The following AS3MT variants were observed in gnomAD, a reference collection of about 807,000 sequenced individuals.
AS3MT encodes S-adenosyl-L-methionine:arsenic(III) methyltransferase.
AS3MT carries 47 observed loss-of-function variants against 45.3 expected under a neutral mutation model. The ratio of observed to expected loss-of-function variants is 1.04; its 90% CI spans 0.82 to 1.32. The LOEUF (loss-of-function observed/expected upper bound fraction) is 1.32. Among genes scored for constraint, AS3MT ranks in the 40% most tolerant of loss-of-function variants. AS3MT has a pLI of 0.00. For synonymous variants in AS3MT, 141 were observed against 152.8 expected (o/e 0.92, Z 0.57); for missense variants, 396 against 451.1 (o/e 0.88, Z 1.11).
chr10:102,870,036 G>GATC, intron 2 of AS3MT, 48 bp from the exon 3 acceptor site: 1 of 1,602,726 alleles, frequency 6.2e-7, no homozygotes, highest in Non-Finnish European at 8.5e-7. Context: ...TGCAGTCACA[G>GATC]CTCTTCTCCC....
chr10:102,890,868 C>T (rs774814589), intron 10 of AS3MT, among the ~76,000 whole-genome samples, 190 bp downstream of exon 10: 2 of 152,206 alleles, frequency 1.3e-5, no homozygotes, highest in African/African-American at 2.4e-5. Context: ...CCCACCACCA[C>T]GCCCGGCTAA....
chr10:102,900,076 G>C (rs562632537), intron 10 of AS3MT, among the ~76,000 whole-genome samples: 2 of 152,280 alleles, frequency 1.3e-5, no homozygotes, highest in African/African-American at 4.8e-5. Context: ...AAATACAGCA[G>C]TCTTGTCTTT....
chr10:102,900,784 A>G lies in AS3MT; in HGVS notation c.*84A>G. 1 of 1,098,584 alleles carries G rather than the reference A, an allele frequency of 9.1e-7. No individual in the cohort carries two copies. Among genetic ancestry groups the G allele is most frequent in the Non-Finnish European group, 1.4e-6 (1 of 728,916 alleles). 68.1% of individuals were successfully genotyped at this position (1,098,584 alleles called of 1,614,324 possible). A position where few individuals can be genotyped will look rare whatever the true frequency, so the allele number is the denominator to read the frequency against. ...CCTGCTTTTCCCCATAGCACAGACC[A>G]TAAGAAACAACAAATGGGGCCGGGC... is the stretch of plus-strand genomic sequence containing the variant. On this transcript the variant is annotated 3_prime_UTR_variant, in exon 11 of 11. Transcript: ENST00000369880.
chr10:102,893,796 G>A (rs925648448), intron 10 of AS3MT, among the ~76,000 whole-genome samples: 5 of 152,046 alleles, frequency 3.3e-5, no homozygotes, highest in Non-Finnish European at 7.4e-5. Flanking sequence ...ACTGTGCCCA[G>A]CCCTAATTCG....
chr10:102,884,838 C>T (rs983442403), intron 9 of AS3MT, among the ~76,000 whole-genome samples: 4 of 152,114 alleles, frequency 2.6e-5, no homozygotes, highest in Non-Finnish European at 4.4e-5. Flanking sequence ...TGAGACACTG[C>T]GACCGGCCAA....
chr10:102,899,159 T>G (rs1023329602), intron 10 of AS3MT, among the ~76,000 whole-genome samples: 1 of 152,148 alleles, frequency 6.6e-6, no homozygotes, highest in Non-Finnish European at 1.5e-5. Context: ...GCCCAACTAA[T>G]TTTTATATTT....
intron 9 of AS3MT, among the ~76,000 whole-genome samples, chr10:102,885,211 A>G (rs904767515): frequency 6.6e-6 from 1 of 152,130 alleles, no homozygotes; most frequent in Non-Finnish European, 1.5e-5. Flanking sequence ...TTTAGCTCCC[A>G]CATATCAGCG....
chr10:102,871,132 T>TA (rs1844672870), intron 3 of AS3MT, among the ~76,000 whole-genome samples: 1 of 151,982 alleles, frequency 6.6e-6, no homozygotes, highest in Non-Finnish European at 1.5e-5. Context: ...TAGTCCCAGC[T>TA]ACTTGGGAGG....
At chr10:102,893,496 T>C (rs12783258) in intron 10 of AS3MT, among the ~76,000 whole-genome samples, 9,787 of 124,662 alleles carry the variant, frequency 0.079, 379 homozygotes, top group East Asian at 0.23. Context: ...TTTTTTTTTC[T>C]TTTTTTTTTT....
At chr10:102,889,497 G>T (rs1198169965) in intron 9 of AS3MT, among the ~76,000 whole-genome samples, 1 of 152,088 alleles carries the variant, frequency 6.6e-6, no homozygotes, top group Non-Finnish European at 1.5e-5. Flanking sequence ...TGGATGCTTA[G>T]GTTGATTCCA....
intron 2 of AS3MT, 113 bp from the exon 3 acceptor site, chr10:102,869,971 C>A (rs1844650426): frequency 1.9e-6 from 3 of 1,559,042 alleles, no homozygotes; most frequent in Non-Finnish European, 2.6e-6. Context: ...TTCGACCTTT[C>A]CAGGGAACTG....
At chr10:102,893,020 ATAAATAAATAAT>A (rs1295398931) in intron 10 of AS3MT, among the ~76,000 whole-genome samples, 3 of 148,738 alleles carry the variant, frequency 2.0e-5, no homozygotes, top group African/African-American at 4.9e-5. Flanking sequence ...AAATAAATAA[ATAAATAAATAAT>A]TTTAGAACAA....
chr10:102,889,607 T>C (rs7905639), intron 9 of AS3MT, among the ~76,000 whole-genome samples: 8,031 of 122,888 alleles, frequency 0.065, 362 homozygotes, highest in Middle Eastern at 0.14. Flanking sequence ...CCCCTGCCTG[T>C]CTGCCTGCCT....
chr10:102,893,693 G>A (rs1845114084), intron 10 of AS3MT, among the ~76,000 whole-genome samples: 2 of 151,844 alleles, frequency 1.3e-5, no homozygotes, highest in African/African-American at 4.8e-5. Flanking sequence ...TAGAGATGGG[G>A]TTTCATCATA....
chr10:102,885,319 C>G (rs977636285), intron 9 of AS3MT, among the ~76,000 whole-genome samples: 2 of 151,494 alleles, frequency 1.3e-5, no homozygotes, highest in Non-Finnish European at 2.9e-5. Context: ...GGATTTCCTT[C>G]TTTTATTTTA....
intron 6 of AS3MT, 60 bp downstream of exon 6, chr10:102,874,721 C>G: frequency 8.1e-7 from 1 of 1,230,514 alleles, no homozygotes; most frequent in South Asian, 1.3e-5. Context: ...TGGGTTAAGT[C>G]TTGTTTGTTC....
chr10:102,872,131 T>G (rs1205099392), intron 3 of AS3MT, among the ~76,000 whole-genome samples: 13 of 152,160 alleles, frequency 8.5e-5, no homozygotes, highest in African/African-American at 2.9e-4. Flanking sequence ...GCGATCCGCC[T>G]GCCTTGACCT....
rs1564794439 is a variant in AS3MT, at chr10:102,888,866, TA to T, written c.886-1677del. Reference sequence around the variant, plus strand: ...TCATCAAACCCTATATATATATATATATATATATATATATATTTTTTTTTTT... The same window carrying T: ...TCATCAAACCCTATATATATATATATTATATATATATATATTTTTTTTTTT... On this transcript the variant is annotated intron_variant, in intron 9 of 10. Coordinates refer to ENST00000369880, the MANE Select transcript of AS3MT (RefSeq NM_020682.4). 5.2e-3 allele frequency among the ~76,000 whole-genome samples: 473 copies of T among 90,182 alleles called. 2 individuals are homozygous for T. The highest frequency in any genetic ancestry group is 0.014 in the Middle Eastern group (3 of 210). The allele number at this position is 90,182 out of a possible 152,430, so 59.2% of individuals were successfully genotyped here. A position where few individuals can be genotyped will look rare whatever the true frequency, so the allele number is the denominator to read the frequency against.
rs1181356360 is a variant in AS3MT at position 102,900,834 on chromosome 10, A to G, written c.*134A>G. On this transcript the variant is annotated 3_prime_UTR_variant, in exon 11 of 11. Transcript: ENST00000369880. ...CACAGTGGCTCATGCCTATAATCCC[A>G]GCACTTTGGGAGGCCGAGGCAGGCA... 2 of 658,714 alleles carry G rather than the reference A, an allele frequency of 3.0e-6. No homozygotes were observed. Among genetic ancestry groups the G allele is most frequent in the Non-Finnish European group, 5.2e-6 (2 of 388,288 alleles). 40.8% of individuals were successfully genotyped at this position (658,714 alleles called of 1,614,324 possible).
Sources: allele counts gnomAD v4.1 joint callset (sites outside exome capture counted in the v4.1 genomes callset), GRCh38; gene constraint gnomAD v4.1.1; transcripts MANE v1.5; gene names NCBI Gene and HGNC (gene_info 2026-07-23, HGNC 2026-07-21).